RBFOX1: variants seen among roughly 807,000 people sequenced by gnomAD.
RBFOX1 encodes RNA binding protein fox-1 homolog 1.
In RBFOX1, 8 loss-of-function variants were observed where a neutral mutation model predicts 57.7. That is an observed-to-expected ratio of 0.14 (90% CI 0.08 to 0.25). RBFOX1 has a LOEUF of 0.25. Ranked by LOEUF, RBFOX1 falls within the 10% of genes least tolerant of loss-of-function variation. RBFOX1 has a pLI of 1.00. For synonymous variants in RBFOX1, 326 were observed against 222.4 expected (o/e 1.47, Z -4.15); for missense variants, 611 against 548.5 (o/e 1.11, Z -1.14).
At chr16:6,953,890 G>GT (rs2081261022) in intron 3 of RBFOX1, among the ~76,000 whole-genome samples, 1 of 152,094 alleles carries the variant, frequency 6.6e-6, no homozygotes, top group Non-Finnish European at 1.5e-5. Context: ...AGTTGTTGAC[G>GT]TAAAGTTTTT....
At chr16:7,095,821 G>C (rs7192211) in intron 4 of RBFOX1, among the ~76,000 whole-genome samples, 6,907 of 152,102 alleles carry the variant, frequency 0.045, 454 homozygotes, top group African/African-American at 0.15. Flanking sequence ...GACCATCCTG[G>C]CTAACACGGT....
At chr16:7,370,823 A>C (rs999437389) in intron 4 of RBFOX1, among the ~76,000 whole-genome samples, 1 of 152,238 alleles carries the variant, frequency 6.6e-6, no homozygotes, top group Non-Finnish European at 1.5e-5. Flanking sequence ...GTTGTCCACA[A>C]TTAGTCTTTG....
chr16:6,775,610 C>T (rs760684349), intron 3 of RBFOX1: 1 of 152,098 alleles, frequency 6.6e-6, no homozygotes, highest in East Asian at 1.9e-4. Flanking sequence ...TCTCTCTAAT[C>T]GAGACAGCCC....
At chr16:5,746,240 G>C (rs577521900) in intron 3 of RBFOX1, among the ~76,000 whole-genome samples, 74 of 152,328 alleles carry the variant, frequency 4.9e-4, no homozygotes, top group African/African-American at 1.7e-3. Flanking sequence ...TCAAAGATCA[G>C]ATGGTTGTAG....
At chr16:7,461,956 C>T (rs537498038) in intron 4 of RBFOX1, among the ~76,000 whole-genome samples, 1 of 152,296 alleles carries the variant, frequency 6.6e-6, no homozygotes, top group African/African-American at 2.4e-5. Context: ...TTTTCAGCCT[C>T]CTGTGAGGTG....
chr16:5,384,947 A>C (rs1216479891), intron 1 of RBFOX1, among the ~76,000 whole-genome samples: 1 of 152,230 alleles, frequency 6.6e-6, no homozygotes, highest in Non-Finnish European at 1.5e-5. Context: ...TGGCTCATCT[A>C]ACTGTTGGTC....
intron 4 of RBFOX1, among the ~76,000 whole-genome samples, chr16:7,165,411 A>AT (rs2079245253): frequency 6.7e-6 from 1 of 148,160 alleles, no homozygotes; most frequent in Admixed American, 6.8e-5. Flanking sequence ...AATAATAATG[A>AT]TAATAATCAT....
chr16:6,907,812 G>A (rs931240089), intron 3 of RBFOX1, among the ~76,000 whole-genome samples: 2 of 148,018 alleles, frequency 1.4e-5, no homozygotes, highest in East Asian at 1.9e-4. Context: ...GACCTCAGGT[G>A]AACCACCCGC....
At chr16:7,130,819 A>G (rs75129430) in intron 4 of RBFOX1, among the ~76,000 whole-genome samples, 4,337 of 152,294 alleles carry the variant, frequency 0.028, 213 homozygotes, top group African/African-American at 0.096. Flanking sequence ...GTGGGGAACA[A>G]GAACACTTTC....
rs139757413 is a variant in RBFOX1, at chr16:6,306,286, C to T, written c.-126-10709C>T. ...CTTTGCTAGGGAGGCAGTATTTGAG[C>T]TGAGAGTTGAATCATGGATGGAAAC... On this transcript the variant is annotated intron_variant, in intron 1 of 15. Coordinates refer to ENST00000550418, the MANE Select transcript of RBFOX1 (RefSeq NM_018723.4). Among the ~76,000 whole-genome samples the T allele has an allele frequency of 5.5e-4, 83 of 152,218 alleles. 1 individual carries two copies. The East Asian group carries it at 0.011, about 21-fold the overall frequency.
intron 2 of RBFOX1, among the ~76,000 whole-genome samples, chr16:6,461,322 A>G (rs2094913909): frequency 6.6e-6 from 1 of 152,168 alleles, no homozygotes; most frequent in Non-Finnish European, 1.5e-5. Context: ...ACCCTTATGG[A>G]TTCCTTTTAA....
At chr16:6,161,336 C>T (rs561997956) in intron 1 of RBFOX1, among the ~76,000 whole-genome samples, 2 of 148,734 alleles carry the variant, frequency 1.3e-5, no homozygotes, top group Admixed American at 6.8e-5. Context: ...TTGCAGTGAG[C>T]GAAGATTGTG....
intron 3 of RBFOX1, among the ~76,000 whole-genome samples, chr16:5,718,906 C>T (rs2051820964): frequency 1.3e-5 from 2 of 150,762 alleles, no homozygotes; most frequent in Non-Finnish European, 1.5e-5. Flanking sequence ...GAGATTGCTT[C>T]TCAAAATGAA....
chr16:5,830,181 C>G (rs1361908421), intron 3 of RBFOX1, among the ~76,000 whole-genome samples: 2 of 152,016 alleles, frequency 1.3e-5, no homozygotes, highest in African/African-American at 4.8e-5. Flanking sequence ...CCCAGCTAAT[C>G]CAGTGTTTTG....
chr16:6,890,739 C>G (rs1026263591), intron 3 of RBFOX1, among the ~76,000 whole-genome samples: 2 of 152,148 alleles, frequency 1.3e-5, no homozygotes, highest in African/African-American at 4.8e-5. Flanking sequence ...AAGGAGAGTG[C>G]CTAAATTCAC....
chr16:6,027,681 A>G (rs943964714), intron 1 of RBFOX1, among the ~76,000 whole-genome samples: 1 of 152,224 alleles, frequency 6.6e-6, no homozygotes, highest in Non-Finnish European at 1.5e-5. Flanking sequence ...CATGACGATT[A>G]CTATTATCCA....
chr16:5,299,223 A>G (rs898020079), intron 1 of RBFOX1, among the ~76,000 whole-genome samples: 2 of 152,158 alleles, frequency 1.3e-5, no homozygotes, highest in African/African-American at 2.4e-5. Flanking sequence ...TTGCTCAAAA[A>G]AAGTTTTAAA....
intron 2 of RBFOX1, among the ~76,000 whole-genome samples, chr16:6,374,632 C>T (rs1336019442): frequency 6.6e-6 from 1 of 152,028 alleles, no homozygotes; most frequent in Non-Finnish European, 1.5e-5. Flanking sequence ...GTCTTTTTTC[C>T]ACAGTACTTT....
intron 3 of RBFOX1, among the ~76,000 whole-genome samples, chr16:5,716,708 G>C (rs144457684): frequency 6.6e-6 from 1 of 152,340 alleles, no homozygotes; most frequent in East Asian, 1.9e-4. Context: ...GAGAGCTGCA[G>C]TGAGCATAGG....
Sources: gnomAD v4.1 joint callset for allele counts (sites outside exome capture counted in the v4.1 genomes callset) on GRCh38, gnomAD v4.1.1 for gene constraint, MANE v1.5 for transcripts, NCBI Gene and HGNC (gene_info 2026-07-23, HGNC 2026-07-21) for gene names.